The following TFB1M variants were observed in gnomAD, a reference collection of about 807,000 sequenced individuals.
TFB1M encodes dimethyladenosine transferase 1, mitochondrial.
TFB1M carries 27 observed loss-of-function variants against 31.1 expected under a neutral mutation model. The observed-to-expected ratio is 0.87, with a 90% CI of 0.64 to 1.20. TFB1M has a LOEUF of 1.20. TFB1M is among the 50% of genes most tolerant of loss of function. The pLI, the probability that TFB1M is intolerant of heterozygous loss-of-function variation, is 0.00. For synonymous variants in TFB1M, 166 were observed against 151.8 expected (o/e 1.09, Z -0.69); for missense variants, 394 against 418.7 (o/e 0.94, Z 0.51).
chr6:155,283,969 A>T lies in TFB1M; in HGVS notation c.666+1189T>A, dbSNP rs374934518. On this transcript the variant is annotated intron_variant, in intron 5 of 6. Coordinates refer to ENST00000367166, the MANE Select transcript of TFB1M (RefSeq NM_016020.4). The stretch of plus-strand genomic sequence containing the variant: ...CTCCAGTCATCAAATTCTGTCTTGG[A>T]TCTAATTATTCTAGGAGAAGTCATT... Among the ~76,000 whole-genome samples the T allele has an allele frequency of 2.5e-4, 38 of 152,336 alleles. No homozygotes were observed. The South Asian group carries it at 5.0e-3, about 20-fold the overall frequency.
chr6:155,229,926 C>G, the TFB1M span, among the ~76,000 whole-genome samples: 1 of 152,168 alleles, frequency 6.6e-6, no homozygotes, highest in South Asian at 2.1e-4. Flanking sequence ...GACTTATTCA[C>G]TATCACGAGT....
intron 5 of TFB1M, among the ~76,000 whole-genome samples, chr6:155,278,157 T>C (rs1785308086): frequency 6.6e-6 from 1 of 152,144 alleles, no homozygotes; most frequent in African/African-American, 2.4e-5. Flanking sequence ...CCCGCTGTGT[T>C]CATTCCTCCA....
chr6:155,267,520 G>A (rs191532277), intron 5 of TFB1M, among the ~76,000 whole-genome samples: 1 of 152,338 alleles, frequency 6.6e-6, no homozygotes, highest in Non-Finnish European at 1.5e-5. Context: ...TGGCACTAGA[G>A]AAGCTTTTGG....
chr6:155,240,453 A>G, the TFB1M span: 1 of 1,477,134 alleles, frequency 6.8e-7, no homozygotes, highest in East Asian at 2.3e-5. Context: ...AGACGGAGAC[A>G]CTTGGTGCCC....
At chr6:155,258,198 T>C in intron 6 of TFB1M, 116 bp from the exon 7 acceptor site, 1 of 1,240,438 alleles carries the variant, frequency 8.1e-7, no homozygotes, top group Non-Finnish European at 1.2e-6. Context: ...TACTGACAGC[T>C]GGAGAGAGTG....
intron 4 of TFB1M, among the ~76,000 whole-genome samples, chr6:155,286,581 ATATGTATATG>A (rs1776658817): frequency 6.8e-6 from 1 of 147,184 alleles, no homozygotes; most frequent in African/African-American, 2.5e-5. Flanking sequence ...ATACATGTGT[ATATGTATATG>A]TGTGTATATA....
intron 5 of TFB1M, among the ~76,000 whole-genome samples, chr6:155,264,779 A>G (rs1453353401): frequency 6.6e-6 from 1 of 152,178 alleles, no homozygotes; most frequent in Non-Finnish European, 1.5e-5. Flanking sequence ...AGACTAAGAA[A>G]TGTGGTGAGG....
the TFB1M span, among the ~76,000 whole-genome samples, chr6:155,243,189 G>GT: frequency 3.3e-5 from 5 of 152,272 alleles, no homozygotes; most frequent in Admixed American, 6.5e-5. Context: ...CTCTGTGGGA[G>GT]TTTTTTATTG....
downstream of TFB1M, chr6:155,254,901 T>C: frequency 4.7e-6 from 1 of 212,916 alleles, no homozygotes; most frequent in East Asian, 9.0e-5. Context: ...CCAGGCATCC[T>C]GAAGGTCAAT....
the TFB1M span, among the ~76,000 whole-genome samples, chr6:155,238,755 T>C: frequency 6.6e-6 from 1 of 152,266 alleles, no homozygotes; most frequent in Non-Finnish European, 1.5e-5. Flanking sequence ...GAAGTCTTTG[T>C]TGATTCCAGA....
intron 5 of TFB1M, among the ~76,000 whole-genome samples, chr6:155,270,183 C>T (rs182409652): frequency 2.6e-5 from 4 of 152,242 alleles, no homozygotes; most frequent in South Asian, 2.1e-4. Flanking sequence ...CTGGGAAGAC[C>T]GTGGGGAGAA....
intron 5 of TFB1M, among the ~76,000 whole-genome samples, chr6:155,278,110 T>C (rs1785304982): frequency 6.6e-6 from 1 of 152,178 alleles, no homozygotes; most frequent in South Asian, 2.1e-4. Context: ...CTGCAATAAA[T>C]GATGTGGAGT....
At chr6:155,267,424 G>A (rs78570629) in intron 5 of TFB1M, among the ~76,000 whole-genome samples, 1 of 152,252 alleles carries the variant, frequency 6.6e-6, no homozygotes, top group Non-Finnish European at 1.5e-5. Context: ...CACAGACCAG[G>A]TGGTCTTCAG....
At chr6:155,258,931 C>A (rs1784256209) in intron 6 of TFB1M, among the ~76,000 whole-genome samples, 1 of 152,182 alleles carries the variant, frequency 6.6e-6, no homozygotes, top group African/African-American at 2.4e-5. Context: ...ATCTGAAGAA[C>A]ACCAATAAGT....
At chr6:155,295,235 G>A (rs1032824336) in intron 4 of TFB1M, among the ~76,000 whole-genome samples, 47 of 151,830 alleles carry the variant, frequency 3.1e-4, no homozygotes, top group East Asian at 3.9e-4. Flanking sequence ...GCGTGGTGGC[G>A]GGCGCCTGTA....
chr6:155,240,426 A>G, the TFB1M span: 1 of 1,259,572 alleles, frequency 7.9e-7, no homozygotes, highest in Non-Finnish European at 1.1e-6. Context: ...GGCCCCTCTG[A>G]GATCCCTGCT....
chr6:155,297,254 T>A, intron 3 of TFB1M, 150 bp from the exon 4 acceptor site: 1 of 787,914 alleles, frequency 1.3e-6, no homozygotes, highest in Non-Finnish European at 2.0e-6. Context: ...CACTTATTAT[T>A]CAAAAGCAAT....
chr6:155,284,585 A>C (rs1776535932), intron 5 of TFB1M, among the ~76,000 whole-genome samples: 1 of 152,212 alleles, frequency 6.6e-6, no homozygotes, highest in Non-Finnish European at 1.5e-5. Flanking sequence ...GTTTTGCTAA[A>C]ACAGACAACG....
At chr6:155,265,576 A>G (rs961486667) in intron 5 of TFB1M, among the ~76,000 whole-genome samples, 1 of 151,544 alleles carries the variant, frequency 6.6e-6, no homozygotes, top group Non-Finnish European at 1.5e-5. Flanking sequence ...TAACTATTTT[A>G]TCTTACTCTG....
Sources: allele counts gnomAD v4.1 joint callset (sites outside exome capture counted in the v4.1 genomes callset), GRCh38; gene constraint gnomAD v4.1.1; transcripts MANE v1.5; gene names NCBI Gene and HGNC (gene_info 2026-07-23, HGNC 2026-07-21).